Variants in LRP1 observed in about 807,000 individuals in gnomAD.
LRP1 encodes prolow-density lipoprotein receptor-related protein 1.
In LRP1, 51 loss-of-function variants were observed where a neutral mutation model predicts 541.5. That is an observed-to-expected ratio of 0.09 (90% CI 0.08 to 0.12). The LOEUF (loss-of-function observed/expected upper bound fraction) is 0.12, where lower values mean the gene tolerates loss of function less well. Among genes scored for constraint, LRP1 ranks in the 10% least tolerant of loss-of-function variants. LRP1 has a pLI of 1.00. For synonymous variants in LRP1, 2,219 were observed against 2,470.8 expected (o/e 0.90, Z 3.02); for missense variants, 3,878 against 6,376.2 (o/e 0.61, Z 13.34).
rs1255020178 is a variant in LRP1 at position 57,201,383 on chromosome 12, C to G, written c.10346-114C>G. The G allele has an allele frequency of 4.7e-6, 7 of 1,478,086 alleles. No individual in the cohort carries two copies. The Admixed American group carries it at 1.3e-4, about 27-fold the overall frequency. 91.6% of individuals were successfully genotyped at this position (1,478,086 alleles called of 1,614,324 possible). A position where few individuals can be genotyped will look rare whatever the true frequency, so the allele number is the denominator to read the frequency against. On this transcript the variant is annotated intron_variant, in intron 65 of 88. Transcript: ENST00000243077. The surrounding 1 kb of genome is among the most constrained non-coding windows in gnomAD (Gnocchi z 6.4). ...ACTGGGGATAAACTGTTCCTTCCTC[C>G]GAAGAAGTTGCTGGCAGGACCAAGG... is the stretch of plus-strand genomic sequence containing the variant.
At position 57,206,287 on chromosome 12, in the gene LRP1, G is replaced by C. The variant is rs2036777294; in HGVS notation, c.11591-186G>C. Reference sequence around the variant, plus strand: ...GTCACAGTGGATCAGCTCAGGGGAGGAGAGGAGGAGGTCCAGAGGCTGAGG... The same window carrying C: ...GTCACAGTGGATCAGCTCAGGGGAGCAGAGGAGGAGGTCCAGAGGCTGAGG... On this transcript the variant is annotated intron_variant, in intron 75 of 88. Transcript: ENST00000243077. The surrounding 1 kb of genome is among the most constrained non-coding windows in gnomAD (Gnocchi z 4.7). 6.6e-6 allele frequency among the ~76,000 whole-genome samples: 1 copy of C among 152,344 alleles called. No individual in the cohort carries two copies. Among genetic ancestry groups the C allele is most frequent in the South Asian group, 2.1e-4 (1 of 4,824 alleles).
intron 55 of LRP1, among the ~76,000 whole-genome samples, chr12:57,196,621 G>A (rs2036538711): frequency 6.6e-6 from 1 of 152,170 alleles, no homozygotes; most frequent in Admixed American, 6.5e-5. Context: ...TGATTCCCAA[G>A]GGAGCAGTGT....
rs895395713 is a variant in LRP1 at position 57,206,256 on chromosome 12, G to A, written c.11591-217G>A. On this transcript the variant is annotated intron_variant, in intron 75 of 88. Coordinates refer to ENST00000243077, the MANE Select transcript of LRP1 (RefSeq NM_002332.3). This position sits in a 1 kb window ranked among gnomAD's most constrained non-coding sequence, Gnocchi z 4.7. Reference sequence around the variant, plus strand: ...GCAGGGACAGCTTTCTGACTGAAAGGAGCGGGTCACAGTGGATCAGCTCAG... The same window carrying A: ...GCAGGGACAGCTTTCTGACTGAAAGAAGCGGGTCACAGTGGATCAGCTCAG... 3.9e-5 allele frequency among the ~76,000 whole-genome samples: 6 copies of A among 152,260 alleles called. No homozygotes were observed. The highest frequency in any genetic ancestry group is 7.3e-5 in the Non-Finnish European group (5 of 68,048).
In LRP1 at chr12:57,166,256, G is replaced by T. The variant is rs771788870; in HGVS notation, c.2797+47G>T. ...ACACGAGGCACCCCTCAGTCAAGGAGGCAGGGGAGACGAGGGGGCCAGGTT... is the reference window on the plus strand; with the variant it reads ...ACACGAGGCACCCCTCAGTCAAGGATGCAGGGGAGACGAGGGGGCCAGGTT... On this transcript the variant is annotated intron_variant, in intron 17 of 88. Transcript: ENST00000243077. 8.4e-6 allele frequency: 13 copies of T among 1,550,848 alleles called. No individual in the cohort carries two copies. The Admixed American group carries it at 1.5e-4, about 18-fold the overall frequency.
At position 57,165,753 on chromosome 12, in the gene LRP1, G is replaced by C; in HGVS notation, c.2531-52G>C. The C allele has an allele frequency of 6.3e-7, 1 of 1,590,864 alleles. No individual in the cohort carries two copies. The highest frequency in any genetic ancestry group is 8.6e-7 in the Non-Finnish European group (1 of 1,160,848). ...AAATGGTGCAAAGGGCTTAGTACTTGTCCCACGACCGGGGTCTGACTTTCC... is the reference window on the plus strand; with the variant it reads ...AAATGGTGCAAAGGGCTTAGTACTTCTCCCACGACCGGGGTCTGACTTTCC... On this transcript the variant is annotated intron_variant, in intron 15 of 88. Coordinates refer to ENST00000243077, the MANE Select transcript of LRP1 (RefSeq NM_002332.3). The surrounding 1 kb of genome is among the most constrained non-coding windows in gnomAD (Gnocchi z 4.5).
chr12:57,179,372 A>T lies in LRP1; in HGVS notation c.4782A>T (p.Arg1594=). 6.2e-7 allele frequency: 1 copy of T among 1,614,226 alleles called. No homozygotes were observed. The highest frequency in any genetic ancestry group is 8.5e-7 in the Non-Finnish European group (1 of 1,180,034). ...FLLYARQMEI[R]GVDLDAPYYN... is the part of the protein sequence containing the mutation. ...TGTACGCACGTCAGATGGAGATCCG[A>T]GGTGTGGACCTGGATGCTCCCTACT... Residue 1594 remains arginine, a synonymous_variant, in exon 29 of 89, where the codon CGA becomes CGT. Transcript: ENST00000243077. This position sits in a 1 kb window ranked among gnomAD's most constrained non-coding sequence, Gnocchi z 6.8.
At position 57,206,792 on chromosome 12, in the gene LRP1, C is replaced by T. The variant is rs373082147; in HGVS notation, c.11859+51C>T. 55 of 1,583,086 alleles carry T rather than the reference C, an allele frequency of 3.5e-5. No individual in the cohort carries two copies. The highest frequency in any genetic ancestry group is 1.3e-4 in the Admixed American group (8 of 59,544). On this transcript the variant is annotated intron_variant, in intron 76 of 88. Coordinates refer to ENST00000243077, the MANE Select transcript of LRP1 (RefSeq NM_002332.3). The surrounding 1 kb of genome is among the most constrained non-coding windows in gnomAD (Gnocchi z 4.7). ...GAGTGGAAGAGCTCCATAGAGCAGG[C>T]GGTTCAGAGCAGGATTTGAAAAGGG...
intron 12 of LRP1, 60 bp downstream of exon 12, chr12:57,160,065 G>A: frequency 6.4e-7 from 1 of 1,557,316 alleles, no homozygotes; most frequent in Non-Finnish European, 8.8e-7. Context: ...TCAGATAACT[G>A]GAGGATGAAA....
Position 57,206,418 on chromosome 12 carries a change from G to T in LRP1, c.11591-55G>T. ...TGTTCATGTGAAAGGAGCTGAGCTG[G>T]GTGGGGTGCACACCTGCATCCCACA... On this transcript the variant is annotated intron_variant, in intron 75 of 88. Transcript: ENST00000243077. The surrounding 1 kb of genome is among the most constrained non-coding windows in gnomAD (Gnocchi z 4.7). The T allele has an allele frequency of 2.6e-6, 4 of 1,566,200 alleles. 1 individual carries two copies. Among genetic ancestry groups the T allele is most frequent in the Non-Finnish European group, 3.5e-6 (4 of 1,142,974 alleles).
intron 1 of LRP1, among the ~76,000 whole-genome samples, chr12:57,134,269 CCTT>C (rs544882912): frequency 2.6e-5 from 4 of 152,134 alleles, no homozygotes; most frequent in African/African-American, 4.8e-5. Flanking sequence ...CTAGATCTCT[CCTT>C]CTTCTTCTCC....
chr12:57,185,059 T>C lies in LRP1; in HGVS notation c.6339-22T>C, dbSNP rs1209508113. 6.2e-7 allele frequency: 1 copy of C among 1,614,036 alleles called. No individual in the cohort carries two copies. The highest frequency in any genetic ancestry group is 1.3e-5 in the African/African-American group (1 of 74,924). ...CCTCCTGCCTCCACTGATGCCCTGC[T>C]TGTGCCCTGTCCTTCCCTCAGGACT... is the stretch of plus-strand genomic sequence containing the variant. On this transcript the variant is annotated intron_variant, in intron 39 of 88. Coordinates refer to ENST00000243077, the MANE Select transcript of LRP1 (RefSeq NM_002332.3). This position sits in a 1 kb window ranked among gnomAD's most constrained non-coding sequence, Gnocchi z 4.9.
Position 57,173,213 on chromosome 12 carries a change from G to T in LRP1, c.3209G>T (p.Arg1070Leu). Reference sequence around the variant, plus strand: ...TGCCACACTGATGAGTTCCAGTGCCGGCTGGATGGACTATGCATCCCCCTG... The same window carrying T: ...TGCCACACTGATGAGTTCCAGTGCCTGCTGGATGGACTATGCATCCCCCTG... ...GGCHTDEFQC[R>L]LDGLCIPLRW... The change falls in exon 21 of 89, where the codon CGG becomes CTG. Residue 1070 changes from arginine to leucine, a missense_variant. By Grantham distance (102) the Arg-to-Leu change is moderately radical. Around this residue, in one of 13 missense-constraint regions of LRP1, gnomAD observed 320 missense variants for 547.9 expected, o/e 0.58. Transcript: ENST00000243077. The surrounding 1 kb of genome is among the most constrained non-coding windows in gnomAD (Gnocchi z 4.7). The T allele has an allele frequency of 1.2e-6, 2 of 1,613,748 alleles. No individual in the cohort carries two copies. Among genetic ancestry groups the T allele is most frequent in the Non-Finnish European group, 1.7e-6 (2 of 1,179,922 alleles).
rs12424288 is a variant in LRP1 at position 57,194,872 on chromosome 12, C to T, written c.8192-113C>T. 1.8e-4 allele frequency: 212 copies of T among 1,158,552 alleles called. No homozygotes were observed. In the East Asian group the frequency reaches 4.1e-3, roughly 22 times the overall value. The allele number at this position is 1,158,552 out of a possible 1,614,324, so 71.8% of individuals were successfully genotyped here. On this transcript the variant is annotated intron_variant, in intron 50 of 88. Coordinates refer to ENST00000243077, the MANE Select transcript of LRP1 (RefSeq NM_002332.3). ...ACTCTGCCTCTAGCTGCTGCTGAGC[C>T]CCCCCACAGAGGGGTGCTGTGGGCA...
At chr12:57,136,396 C>G (rs2035166266) in intron 1 of LRP1, among the ~76,000 whole-genome samples, 3 of 18,914 alleles carry the variant, frequency 1.6e-4, no homozygotes, top group Non-Finnish European at 2.7e-4. Context: ...CTCCTAAGAG[C>G]CCCCCCCCCC....
chr12:57,188,180 G>A (rs2036305572), intron 42 of LRP1, among the ~76,000 whole-genome samples: 1 of 152,182 alleles, frequency 6.6e-6, no homozygotes, highest in Non-Finnish European at 1.5e-5. Context: ...TCCCCCTGGA[G>A]GGTTCACCCG....
intron 41 of LRP1, among the ~76,000 whole-genome samples, chr12:57,187,024 T>A (rs1484594407): frequency 1.3e-5 from 2 of 152,166 alleles, no homozygotes; most frequent in Non-Finnish European, 2.9e-5. Flanking sequence ...GAAAGCCCGA[T>A]TGCCCTCAGT....
In LRP1 at chr12:57,205,655, G is replaced by C; in HGVS notation, c.11568G>C (p.Thr3856=). 1.2e-6 allele frequency: 2 copies of C among 1,612,470 alleles called. No homozygotes were observed. The highest frequency in any genetic ancestry group is 1.7e-6 in the Non-Finnish European group (2 of 1,180,016). ...GCTGCGCTCGGAACTTCATGAAGAC[G>C]CACAACACCTGCAAGGCCGAAGGTG... The part of the protein sequence containing the change: ...LCSCARNFMK[T]HNTCKAEGSE... Residue 3856 remains threonine (T), a synonymous_variant, in exon 75 of 89, where the codon ACG becomes ACC. Transcript: ENST00000243077. The surrounding 1 kb of genome is among the most constrained non-coding windows in gnomAD (Gnocchi z 4.6).
At chr12:57,160,615 G>T (rs1565725558) in intron 12 of LRP1, among the ~76,000 whole-genome samples, 1 of 152,124 alleles carries the variant, frequency 6.6e-6, no homozygotes, top group Non-Finnish European at 1.5e-5. Context: ...ATGTAACCTT[G>T]ATTGACCTGT....
At position 57,176,051 on chromosome 12, in the gene LRP1, C is replaced by T. The variant is rs2036040218; in HGVS notation, c.3936C>T (p.Tyr1312=). 1 of 1,614,222 alleles carries T rather than the reference C, an allele frequency of 6.2e-7. No homozygotes were observed. ...LDFHLSQSAL[Y]WTDVVEDKIY... ...TCCACCTCAGCCAGAGCGCCCTCTACTGGACCGACGTGGTGGAGGACAAGA... is the reference window on the plus strand; with the variant it reads ...TCCACCTCAGCCAGAGCGCCCTCTATTGGACCGACGTGGTGGAGGACAAGA... The change falls in exon 24 of 89, where the codon TAC becomes TAT. Residue 1312 remains tyrosine, a synonymous_variant. Coordinates refer to ENST00000243077, the MANE Select transcript of LRP1 (RefSeq NM_002332.3).
Sources: allele counts gnomAD v4.1 joint callset (sites outside exome capture counted in the v4.1 genomes callset), GRCh38; gene constraint gnomAD v4.1.1; regional missense constraint gnomAD v4.1.1; non-coding constraint Gnocchi (gnomAD v3.1); transcripts MANE v1.5; gene names NCBI Gene and HGNC (gene_info 2026-07-23, HGNC 2026-07-21).